The following MGRN1 variants were observed in gnomAD, a reference collection of about 807,000 sequenced individuals.
MGRN1 encodes mahogunin ring finger 1.
In MGRN1, 29 loss-of-function variants were observed where a neutral mutation model predicts 69.2. The ratio of observed to expected loss-of-function variants is 0.42; its 90% CI spans 0.31 to 0.57. MGRN1 has a LOEUF of 0.57. MGRN1 is among the 20% of genes least tolerant of loss of function. The pLI is 0.15. For missense variants in MGRN1, 998 were observed against 796.2 expected, an observed-to-expected ratio of 1.25 and a Z score of -3.05; for synonymous variants, 470 against 344.2, an observed-to-expected ratio of 1.37 and a Z score of -4.04.
chr16:4,657,586 C>T (rs918221541), intron 5 of MGRN1, among the ~76,000 whole-genome samples: 12 of 152,148 alleles, frequency 7.9e-5, no homozygotes, highest in Non-Finnish European at 1.5e-4. Context: ...ACCAGGCAGC[C>T]GCACTCGGAG....
At position 4,664,959 on chromosome 16, in the gene MGRN1, C is replaced by G. The variant is rs1404136358; in HGVS notation, c.629-143C>G. On this transcript the variant is annotated intron_variant, in intron 6 of 16. Coordinates refer to ENST00000262370, the MANE Select transcript of MGRN1 (RefSeq NM_015246.4). The stretch of plus-strand genomic sequence containing the variant: ...TGAGGAGGTGGAAAGTGCAGGAGGG[C>G]AGGTCCCAGAACAGGCTCAGGACTC... 15 of 1,156,746 alleles carry G rather than the reference C, an allele frequency of 1.3e-5. No homozygotes were observed. The East Asian group carries it at 2.2e-4, about 17-fold the overall frequency. The allele number at this position is 1,156,746 out of a possible 1,614,324, so 71.7% of individuals were successfully genotyped here.
intron 16 of MGRN1, chr16:4,686,644 A>G (rs367566933): frequency 1.2e-5 from 13 of 1,127,872 alleles, no homozygotes; most frequent in South Asian, 6.4e-5. Flanking sequence ...GCCACTGTCC[A>G]CTGCGGGAGG....
chr16:4,642,146 T>TA (rs1555448327), intron 1 of MGRN1, among the ~76,000 whole-genome samples: 9,728 of 147,612 alleles, frequency 0.066, 427 homozygotes, highest in Non-Finnish European at 0.095. Flanking sequence ...TTTTTTTTTT[T>TA]AAAAAAGACC....
intron 16 of MGRN1, chr16:4,687,213 C>CG (rs1555460604): frequency 5.1e-6 from 5 of 985,120 alleles, no homozygotes; most frequent in African/African-American, 3.5e-5. Context: ...CCCATCCCCC[C>CG]CAAGAGGCGC....
At chr16:4,679,490 T>C (rs1188678784) in intron 11 of MGRN1, among the ~76,000 whole-genome samples, 1 of 151,098 alleles carries the variant, frequency 6.6e-6, no homozygotes, top group Non-Finnish European at 1.5e-5. Flanking sequence ...CCCTTCCACG[T>C]AGTGACAGAA....
At chr16:4,688,412 G>T in intron 16 of MGRN1, 3 of 1,031,330 alleles carry the variant, frequency 2.9e-6, no homozygotes, top group Non-Finnish European at 3.5e-6. Context: ...GGTTGACCGA[G>T]TTCCACCCTA....
chr16:4,664,478 C>G (rs1022583571), intron 5 of MGRN1: 17 of 585,354 alleles, frequency 2.9e-5, no homozygotes, highest in Non-Finnish European at 6.1e-6. Context: ...TTACTCAACG[C>G]TGTTGAAACG....
intron 8 of MGRN1, among the ~76,000 whole-genome samples, chr16:4,670,801 T>G (rs73521411): frequency 6.6e-6 from 1 of 152,306 alleles, no homozygotes; most frequent in East Asian, 1.9e-4. Context: ...GGGCCTTGTG[T>G]TGAGAGAGCT....
chr16:4,660,015 A>G (rs2141907381), intron 5 of MGRN1, among the ~76,000 whole-genome samples: 1 of 152,306 alleles, frequency 6.6e-6, no homozygotes, highest in East Asian at 1.9e-4. Context: ...GGCCGCAGAG[A>G]CCTGGAGTAG....
chr16:4,664,638 T>TGCTTTGTCCAGCTCATC lies in MGRN1; in HGVS notation c.562-71_562-70insGCTTTGTCCAGCTCATC, dbSNP rs1404731772. The TGCTTTGTCCAGCTCATC allele has an allele frequency of 5.6e-4, 839 of 1,511,652 alleles. 3 individuals carry two copies. Among genetic ancestry groups the TGCTTTGTCCAGCTCATC allele is most frequent in the Admixed American group, 6.5e-4 (39 of 59,738 alleles). The allele number at this position is 1,511,652 out of a possible 1,614,324, so 93.6% of individuals were successfully genotyped here. On this transcript the variant is annotated intron_variant, in intron 5 of 16. Coordinates refer to ENST00000262370, the MANE Select transcript of MGRN1 (RefSeq NM_015246.4). ...CTCCTGCCTGCTTTGTCCAGCTCAT[T>TGCTTTGTCCAGCTCATC]TGTTGACCGACTCCAGGCTTCCAGG... is the stretch of plus-strand genomic sequence containing the variant.
rs1382189137 is a variant in MGRN1, at chr16:4,690,936, T to A, written c.*2028T>A. 1 of 152,348 alleles carries A rather than the reference T, an allele frequency of 6.6e-6. No homozygotes were observed. Among genetic ancestry groups the A allele is most frequent in the Non-Finnish European group, 1.5e-5 (1 of 68,014 alleles). 9.4% of individuals were successfully genotyped at this position (152,348 alleles called of 1,614,324 possible). A position where few individuals can be genotyped will look rare whatever the true frequency, so the allele number is the denominator to read the frequency against. Reference sequence around the variant, plus strand: ...CAGATGGGCTCATCGTTGGTTCGTTTTTACTGTATATTTATAGTAATAAAA... The same window carrying A: ...CAGATGGGCTCATCGTTGGTTCGTTATTACTGTATATTTATAGTAATAAAA... On this transcript the variant is annotated 3_prime_UTR_variant, in exon 17 of 17. Transcript: ENST00000262370.
chr16:4,676,372 G>A (rs753197859), intron 10 of MGRN1, among the ~76,000 whole-genome samples: 1 of 152,238 alleles, frequency 6.6e-6, no homozygotes, highest in African/African-American at 2.4e-5. Flanking sequence ...TGAGCCTCAG[G>A]GTGGCTGTGT....
chr16:4,656,638 T>C (rs571179745), intron 4 of MGRN1, among the ~76,000 whole-genome samples: 1 of 152,288 alleles, frequency 6.6e-6, no homozygotes, highest in African/African-American at 2.4e-5. Context: ...CCCAGCACTT[T>C]GGGAGGCTGA....
chr16:4,625,223 C>G (rs1475886404), intron 1 of MGRN1, among the ~76,000 whole-genome samples, 175 bp downstream of exon 1: 3 of 152,128 alleles, frequency 2.0e-5, no homozygotes, highest in Non-Finnish European at 4.4e-5. Flanking sequence ...GCTGGGGGCC[C>G]CGGAGGAACC....
chr16:4,690,914 A>T lies in MGRN1; in HGVS notation c.*2006A>T, dbSNP rs1408646426. 3 of 151,706 alleles carry T rather than the reference A, an allele frequency of 2.0e-5. No homozygotes were observed. Among genetic ancestry groups the T allele is most frequent in the African/African-American group, 7.3e-5 (3 of 41,242 alleles). The allele number at this position is 151,706 out of a possible 1,614,324, so 9.4% of individuals were successfully genotyped here. ...ATGTGCTGCCGTCTGATGTGCTCAGATGGGCTCATCGTTGGTTCGTTTTTA... is the reference window on the plus strand; with the variant it reads ...ATGTGCTGCCGTCTGATGTGCTCAGTTGGGCTCATCGTTGGTTCGTTTTTA... On this transcript the variant is annotated 3_prime_UTR_variant, in exon 17 of 17. Transcript: ENST00000262370.
At chr16:4,636,912 G>A (rs1313528809) in intron 1 of MGRN1, among the ~76,000 whole-genome samples, 1 of 151,616 alleles carries the variant, frequency 6.6e-6, no homozygotes, top group Non-Finnish European at 1.5e-5. Context: ...AAGGTCAGGA[G>A]ATCGAGACCA....
chr16:4,680,437 C>T, intron 12 of MGRN1: 2 of 291,780 alleles, frequency 6.9e-6, no homozygotes, highest in South Asian at 7.1e-5. Flanking sequence ...CAATCGCGCC[C>T]CGCGCATGCT....
At chr16:4,686,667 G>A in intron 16 of MGRN1, 1 of 1,100,788 alleles carries the variant, frequency 9.1e-7, no homozygotes, top group South Asian at 3.2e-5. Context: ...GGAGCTTGAG[G>A]GATGAGGGCA....
chr16:4,682,332 A>T (rs533955964), intron 13 of MGRN1, among the ~76,000 whole-genome samples: 2 of 152,334 alleles, frequency 1.3e-5, no homozygotes, highest in East Asian at 3.9e-4. Context: ...GCCACGGGTC[A>T]TTCGTGGTTC....
Sources: allele counts gnomAD v4.1 joint callset (sites outside exome capture counted in the v4.1 genomes callset), GRCh38; gene constraint gnomAD v4.1.1; transcripts MANE v1.5; gene names NCBI Gene and HGNC (gene_info 2026-07-23, HGNC 2026-07-21).